RABL6: variants seen among roughly 807,000 people sequenced by gnomAD.
The protein encoded by RABL6 is RAB, member RAS oncogene family like 6.
A neutral mutation model predicts 72.9 loss-of-function variants in RABL6; 28 were observed. That is an observed-to-expected ratio of 0.38 (90% confidence interval 0.28 to 0.53). The LOEUF (loss-of-function observed/expected upper bound fraction) is 0.53, where lower values mean the gene tolerates loss of function less well. RABL6 is among the 20% of genes least tolerant of loss of function. The probability of loss-of-function intolerance (pLI) is 0.80; values close to 1 mark genes in which losing one functional copy is unlikely to be tolerated. For synonymous variants in RABL6, 477 were observed against 421.2 expected, an observed-to-expected ratio of 1.13 and a Z score of -1.62; for missense variants, 1,029 against 1,008.4, an observed-to-expected ratio of 1.02 and a Z score of -0.28.
chr9:136,839,679 C>G lies in RABL6; in HGVS notation c.1759-15C>G, dbSNP rs751275339. ...GGAGGGATGATGGCCTGACCAGTTG[C>G]TCTCCCTGCTCCAGGATGACTTTCC... is the stretch of plus-strand genomic sequence containing the variant. On this transcript the variant is annotated splice_polypyrimidine_tract_variant and intron_variant, in intron 12 of 14. Coordinates refer to ENST00000311502, the MANE Select transcript of RABL6 (RefSeq NM_024718.5). 1 of 1,569,242 alleles carries G rather than the reference C, an allele frequency of 6.4e-7. No homozygotes were observed. The highest frequency in any genetic ancestry group is 2.3e-5 in the East Asian group (1 of 44,392).
rs1046726504 is a variant in RABL6, at chr9:136,826,030, GCTTTAGCATACTCCCCGT to G, written c.313+207_313+224del. On this transcript the variant is annotated intron_variant, in intron 3 of 14. Coordinates refer to ENST00000311502, the MANE Select transcript of RABL6 (RefSeq NM_024718.5). The surrounding 1 kb of genome is among the most constrained non-coding windows in gnomAD (Gnocchi z 4.9). ...CTCCTGTGGCACTGCATGCTTTGCT[GCTTTAGCATACTCCCCGT>G]CTCTGAGTGACCGCGTGCACGGTGG... 1.3e-5 allele frequency among the ~76,000 whole-genome samples: 2 copies of G among 152,200 alleles called. No homozygotes were observed. The highest frequency in any genetic ancestry group is 4.8e-5 in the African/African-American group (2 of 41,450).
intron 1 of RABL6, among the ~76,000 whole-genome samples, chr9:136,810,527 ATTTCTTTTCT>A (rs765538814): frequency 1.3e-5 from 2 of 152,024 alleles, no homozygotes; most frequent in African/African-American, 2.4e-5. Context: ...AGTTTCTAGT[ATTTCTTTTCT>A]TTTCTTTTCT....
chr9:136,838,778 AC>A, intron 10 of RABL6, 130 bp from the exon 11 acceptor site: 1 of 800,156 alleles, frequency 1.2e-6, no homozygotes, highest in Non-Finnish European at 1.9e-6. Flanking sequence ...TCTCCACAAC[AC>A]AGCACCTGGG....
chr9:136,823,104 AGACTCCAG>A, intron 1 of RABL6, among the ~76,000 whole-genome samples: 1 of 136,816 alleles, frequency 7.3e-6, no homozygotes, highest in South Asian at 2.3e-4. Context: ...AAAAAAAAAA[AGACTCCAG>A]GGCTGCAGAA....
Position 136,838,117 on chromosome 9 carries a change from C to T in RABL6, c.1280+102C>T, listed in dbSNP as rs531469564. 1.5e-3 allele frequency: 2,119 copies of T among 1,385,368 alleles called. 6 individuals carry two copies. Among genetic ancestry groups the T allele is most frequent in the Non-Finnish European group, 1.6e-3 (1,598 of 1,015,250 alleles). 85.8% of individuals were successfully genotyped at this position (1,385,368 alleles called of 1,614,324 possible). ...TTCTAGGGGCGCAGAAGGGGCCCCC[C>T]GCCGGCTGGTCACTGTTGGCTGAGG... is the stretch of plus-strand genomic sequence containing the variant. On this transcript the variant is annotated intron_variant, in intron 10 of 14. Coordinates refer to ENST00000311502, the MANE Select transcript of RABL6 (RefSeq NM_024718.5).
chr9:136,841,046 G>C lies in RABL6; in HGVS notation c.*524G>C. The C allele has an allele frequency of 7.0e-7, 1 of 1,426,878 alleles. No homozygotes were observed. The highest frequency in any genetic ancestry group is 9.2e-7 in the Non-Finnish European group (1 of 1,090,140). 88.4% of individuals were successfully genotyped at this position (1,426,878 alleles called of 1,614,324 possible). ...GCTGGCGAGACCGAAGGCAGCATGT[G>C]AGGCCTCTCCTGGGAGTGGGGGTTG... is the stretch of plus-strand genomic sequence containing the variant. On this transcript the variant is annotated 3_prime_UTR_variant, in exon 15 of 15. Coordinates refer to ENST00000311502, the MANE Select transcript of RABL6 (RefSeq NM_024718.5).
At chr9:136,828,585 G>T (rs529505370) in intron 4 of RABL6, 39 bp downstream of exon 4, 1 of 1,598,822 alleles carries the variant, frequency 6.3e-7, no homozygotes, top group Admixed American at 1.7e-5. Context: ...GTGGCTCAGG[G>T]CCCCGGGGTG....
intron 1 of RABL6, among the ~76,000 whole-genome samples, chr9:136,819,105 G>A (rs567306472): frequency 1.3e-5 from 2 of 152,096 alleles, no homozygotes; most frequent in East Asian, 3.9e-4. Flanking sequence ...AGTGGATCAC[G>A]AGGTCAGGAG....
At chr9:136,816,734 G>A (rs1326931487) in intron 1 of RABL6, among the ~76,000 whole-genome samples, 2 of 136,024 alleles carry the variant, frequency 1.5e-5, no homozygotes, top group Admixed American at 7.3e-5. Flanking sequence ...AGGGGGGGGG[G>A]GTAATTTTTT....
intron 1 of RABL6, chr9:136,821,502 C>T: frequency 1.0e-6 from 1 of 985,340 alleles, no homozygotes; most frequent in Non-Finnish European, 1.2e-6. Flanking sequence ...GCGGGCCCAG[C>T]GAGGCTATGC....
Position 136,839,264 on chromosome 9 carries a change from C to T in RABL6, c.1536C>T (p.Pro512=). ...PASKPRRGTA[P]TRTAAPPWPG... ...CGAAGCCACGGAGGGGGACAGCTCC[C>T]ACGAGGACCGCAGCACCCCCCTGGC... Residue 512 remains proline (P), a synonymous_variant, in exon 12 of 15, where the codon CCC becomes CCT. Transcript: ENST00000311502. 1 of 1,606,666 alleles carries T rather than the reference C, an allele frequency of 6.2e-7. No individual in the cohort carries two copies. The highest frequency in any genetic ancestry group is 8.5e-7 in the Non-Finnish European group (1 of 1,177,156).
chr9:136,819,287 A>T (rs952548733), intron 1 of RABL6, among the ~76,000 whole-genome samples: 3 of 147,306 alleles, frequency 2.0e-5, no homozygotes, highest in Non-Finnish European at 4.4e-5. Flanking sequence ...GTGCCACTGC[A>T]CTCCAGCCTG....
At chr9:136,813,898 A>AGCCACTGC (rs1241374506) in intron 1 of RABL6, 2 of 293,574 alleles carry the variant, frequency 6.8e-6, no homozygotes, top group Admixed American at 9.7e-5. Flanking sequence ...TACAGGTGTG[A>AGCCACTGC]GCCACTGCGC....
chr9:136,832,079 A>G, intron 6 of RABL6, 186 bp from the exon 7 acceptor site: 2 of 905,676 alleles, frequency 2.2e-6, no homozygotes, highest in Admixed American at 2.8e-5. Context: ...AAGTGCTGGC[A>G]CTGTGGGGTC....
chr9:136,811,862 G>C (rs1848019420), intron 1 of RABL6, among the ~76,000 whole-genome samples: 2 of 152,126 alleles, frequency 1.3e-5, no homozygotes, highest in Non-Finnish European at 2.9e-5. Context: ...CTGAATTCCA[G>C]AAGGGAGGAG....
At chr9:136,813,489 T>C (rs1848055539) in intron 1 of RABL6, 6 of 484,822 alleles carry the variant, frequency 1.2e-5, no homozygotes, top group Non-Finnish European at 2.3e-5. Flanking sequence ...AGATCGGCCA[T>C]CCATCTCTGT....
intron 13 of RABL6, 22 bp downstream of exon 13, chr9:136,839,887 C>G (rs201554939): frequency 3.7e-6 from 6 of 1,604,562 alleles, no homozygotes; most frequent in Non-Finnish European, 4.3e-6. Flanking sequence ...CACCAGAGTG[C>G]GGTCAGCCTG....
chr9:136,811,551 G>T (rs1848011912), intron 1 of RABL6, among the ~76,000 whole-genome samples: 2 of 150,614 alleles, frequency 1.3e-5, no homozygotes, highest in Non-Finnish European at 2.9e-5. Flanking sequence ...CCAAGTGGCA[G>T]AAGTTACAGT....
intron 1 of RABL6, among the ~76,000 whole-genome samples, chr9:136,816,913 C>T (rs1848131149): frequency 6.6e-6 from 1 of 152,006 alleles, no homozygotes; most frequent in Non-Finnish European, 1.5e-5. Context: ...TAAGACTCTT[C>T]ATTCTCAAAA....
Sources: allele counts gnomAD v4.1 joint callset (sites outside exome capture counted in the v4.1 genomes callset), GRCh38; gene constraint gnomAD v4.1.1; non-coding constraint Gnocchi (gnomAD v3.1); transcripts MANE v1.5; gene names NCBI Gene and HGNC (gene_info 2026-07-23, HGNC 2026-07-21).